JAM3: variants seen among roughly 807,000 people sequenced by gnomAD.
JAM3 encodes junctional adhesion molecule C.
JAM3 carries 31 observed loss-of-function variants against 39.4 expected under a neutral mutation model. That is an observed-to-expected ratio of 0.79 (90% confidence interval 0.59 to 1.06). The LOEUF (loss-of-function observed/expected upper bound fraction) is 1.06, where lower values mean the gene tolerates loss of function less well. Ranked by LOEUF, JAM3 falls within the 50% of genes least tolerant of loss-of-function variation. The pLI is 0.00. For missense variants in JAM3, 455 were observed against 391.4 expected (o/e 1.16, Z -1.37); for synonymous variants, 182 against 148.7 (o/e 1.22, Z -1.63).
intron 6 of JAM3, 109 bp from the exon 7 acceptor site, chr11:134,148,438 C>A: frequency 7.1e-7 from 1 of 1,409,024 alleles, no homozygotes; most frequent in Admixed American, 1.7e-5. Context: ...CCTGAGGGGG[C>A]AGGGGGCAAG....
intron 1 of JAM3, among the ~76,000 whole-genome samples, chr11:134,128,523 T>C (rs1022060149): frequency 1.3e-5 from 2 of 152,174 alleles, no homozygotes; most frequent in Non-Finnish European, 2.9e-5. Flanking sequence ...GTGGACGTGA[T>C]TGGATTATGG....
At chr11:134,104,047 G>C (rs574271441) in intron 1 of JAM3, among the ~76,000 whole-genome samples, 1 of 152,270 alleles carries the variant, frequency 6.6e-6, no homozygotes, top group East Asian at 1.9e-4. Context: ...CAAATCAACA[G>C]AATATACATT....
chr11:134,099,763 C>A (rs377186484), intron 1 of JAM3, among the ~76,000 whole-genome samples: 2 of 152,148 alleles, frequency 1.3e-5, no homozygotes, highest in African/African-American at 4.8e-5. Flanking sequence ...TGCGCCACCA[C>A]GCCTGGCTAA....
At chr11:134,088,748 C>CATT (rs140441587) in intron 1 of JAM3, among the ~76,000 whole-genome samples, 57 of 254 alleles carry the variant, frequency 0.22, no homozygotes, top group Non-Finnish European at 0.28. Flanking sequence ...TTGGTCTGCA[C>CATT]ATTAACACAC....
intron 1 of JAM3, among the ~76,000 whole-genome samples, chr11:134,121,658 A>G (rs1476624994): frequency 6.6e-6 from 1 of 152,210 alleles, no homozygotes; most frequent in Admixed American, 6.5e-5. Flanking sequence ...AAGGAAAAAA[A>G]TCCAGTTTTG....
intron 1 of JAM3, among the ~76,000 whole-genome samples, chr11:134,133,810 G>T (rs1045038846): frequency 2.0e-5 from 3 of 152,072 alleles, no homozygotes; most frequent in Non-Finnish European, 2.9e-5. Flanking sequence ...CTAAAGCCTT[G>T]TTTACTACAG....
intron 1 of JAM3, among the ~76,000 whole-genome samples, chr11:134,086,445 C>T (rs1408197611): frequency 1.3e-5 from 2 of 151,766 alleles, no homozygotes; most frequent in African/African-American, 4.8e-5. Flanking sequence ...TTTTAAGTTT[C>T]ATGAGTAAAG....
intron 1 of JAM3, among the ~76,000 whole-genome samples, chr11:134,080,172 G>C (rs1591769454): frequency 6.6e-6 from 1 of 152,340 alleles, no homozygotes; most frequent in East Asian, 1.9e-4. Flanking sequence ...TGGTCTAGCT[G>C]ATAAGTCCAC....
intron 1 of JAM3, among the ~76,000 whole-genome samples, chr11:134,107,095 A>G (rs1476720408): frequency 2.6e-5 from 4 of 152,230 alleles, no homozygotes; most frequent in Admixed American, 1.3e-4. Flanking sequence ...ATGTCCATCA[A>G]TGATAGACTG....
At chr11:134,127,913 C>G (rs937194685) in intron 1 of JAM3, among the ~76,000 whole-genome samples, 2 of 152,112 alleles carry the variant, frequency 1.3e-5, no homozygotes, top group South Asian at 2.1e-4. Flanking sequence ...CTGGGCTCTT[C>G]TTACTCCTCT....
In JAM3 at chr11:134,112,107, G is replaced by A. The variant is rs192799464; in HGVS notation, c.77-27744G>A. On this transcript the variant is annotated intron_variant, in intron 1 of 8. Coordinates refer to ENST00000299106, the MANE Select transcript of JAM3 (RefSeq NM_032801.5). Reference sequence around the variant, plus strand: ...GTAAAGCAATTTATTTATTTATTGAGACAGAGCCTCGCTCTGTTGCCCAGT... The same window carrying A: ...GTAAAGCAATTTATTTATTTATTGAAACAGAGCCTCGCTCTGTTGCCCAGT... 8.1e-3 allele frequency among the ~76,000 whole-genome samples: 1,230 copies of A among 152,296 alleles called. 7 individuals are homozygous for A. The highest frequency in any genetic ancestry group is 0.01 in the Non-Finnish European group (704 of 68,032).
Position 134,150,842 on chromosome 11 carries a change from G to C in JAM3, c.*1661G>C, listed in dbSNP as rs1003771183. 6.6e-6 allele frequency: 1 copy of C among 152,174 alleles called. No homozygotes were observed. The allele number at this position is 152,174 out of a possible 1,614,324, so 9.4% of individuals were successfully genotyped here. A position where few individuals can be genotyped will look rare whatever the true frequency, so the allele number is the denominator to read the frequency against. On this transcript the variant is annotated 3_prime_UTR_variant, in exon 9 of 9. Coordinates refer to ENST00000299106, the MANE Select transcript of JAM3 (RefSeq NM_032801.5). ...CCATGATGGAGTGGCGGCCAGTCCAGCCTTTTAAAGAACGTCAGGTGGAGC... is the reference window on the plus strand; with the variant it reads ...CCATGATGGAGTGGCGGCCAGTCCACCCTTTTAAAGAACGTCAGGTGGAGC...
chr11:134,069,212 G>T, intron 1 of JAM3, 53 bp downstream of exon 1: 1 of 1,588,080 alleles, frequency 6.3e-7, no homozygotes, highest in South Asian at 1.1e-5. Context: ...GGCGACGGAA[G>T]CAGAGCGGGC....
chr11:134,144,484 C>T (rs559976161), intron 4 of JAM3, 91 bp downstream of exon 4: 14 of 1,470,648 alleles, frequency 9.5e-6, no homozygotes, highest in Non-Finnish European at 1.2e-5. Context: ...AACTGTATCC[C>T]TGAGGGCTTC....
intron 5 of JAM3, 38 bp from the exon 6 acceptor site, chr11:134,145,908 G>A: frequency 7.1e-7 from 1 of 1,412,428 alleles, no homozygotes; most frequent in Non-Finnish European, 1.0e-6. Flanking sequence ...TCGGCCCCAT[G>A]ATGGGTCCGA....
intron 1 of JAM3, among the ~76,000 whole-genome samples, chr11:134,132,787 G>A (rs920331765): frequency 1.3e-5 from 2 of 152,184 alleles, no homozygotes; most frequent in Admixed American, 1.3e-4. Flanking sequence ...TCACGAGAAT[G>A]TCTGGGGGGG....
intron 1 of JAM3, among the ~76,000 whole-genome samples, chr11:134,077,894 C>T (rs554685712): frequency 4.6e-5 from 7 of 151,838 alleles, no homozygotes; most frequent in East Asian, 2.0e-4. Context: ...ACAGGTGATC[C>T]GCCCGCCTCG....
intron 1 of JAM3, among the ~76,000 whole-genome samples, chr11:134,091,690 G>GC (rs1314738391): frequency 1.3e-5 from 2 of 152,006 alleles, no homozygotes; most frequent in African/African-American, 4.8e-5. Context: ...AAGTGGAGGG[G>GC]CAGAGACAAG....
At chr11:134,101,824 TG>T in intron 1 of JAM3, among the ~76,000 whole-genome samples, 1 of 152,172 alleles carries the variant, frequency 6.6e-6, no homozygotes, top group Non-Finnish European at 1.5e-5. Context: ...CCTAGTATTT[TG>T]GGGGGCTGAG....
Sources: allele counts gnomAD v4.1 joint callset (sites outside exome capture counted in the v4.1 genomes callset), GRCh38; gene constraint gnomAD v4.1.1; transcripts MANE v1.5; gene names NCBI Gene and HGNC (gene_info 2026-07-23, HGNC 2026-07-21).